The following ARHGAP44 variants were observed in gnomAD, a reference collection of about 807,000 sequenced individuals.
ARHGAP44 encodes the protein rho GTPase-activating protein 44.
Under a neutral mutation model 106.8 loss-of-function variants are expected in ARHGAP44, and 43 were observed. That is an observed-to-expected ratio of 0.40 (90% confidence interval 0.32 to 0.52). The LOEUF is 0.52. ARHGAP44 is among the 20% of genes least tolerant of loss of function. The probability of loss-of-function intolerance (pLI) is 0.48; values close to 1 mark genes in which losing one functional copy is unlikely to be tolerated. For missense variants in ARHGAP44, 866 were observed against 1,050.5 expected (o/e 0.82, Z 2.43); for synonymous variants, 439 against 410.3 (o/e 1.07, Z -0.85).
chr17:12,811,463 G>A (rs1347687194), intron 1 of ARHGAP44, among the ~76,000 whole-genome samples: 16 of 152,246 alleles, frequency 1.1e-4, no homozygotes, highest in South Asian at 2.1e-4. Context: ...CTGTCTCAAG[G>A]GTGGCAGAGG....
intron 18 of ARHGAP44, among the ~76,000 whole-genome samples, chr17:12,975,764 C>G (rs1372074566): frequency 6.9e-6 from 1 of 144,256 alleles, no homozygotes; most frequent in Admixed American, 7.2e-5. Flanking sequence ...CGCCACTGCA[C>G]TCCAGCCTGG....
intron 16 of ARHGAP44, among the ~76,000 whole-genome samples, chr17:12,963,200 C>G (rs2039307099): frequency 6.6e-6 from 1 of 152,208 alleles, no homozygotes; most frequent in Middle Eastern, 3.4e-3. Flanking sequence ...TTTGCTTGTC[C>G]TCCCAGGGAG....
intron 19 of ARHGAP44, among the ~76,000 whole-genome samples, chr17:12,981,482 C>T (rs2039828188): frequency 6.6e-6 from 1 of 151,866 alleles, no homozygotes; most frequent in Non-Finnish European, 1.5e-5. Flanking sequence ...ACTGCAACCT[C>T]CGCCTCCTGG....
chr17:12,906,805 G>A (rs1392962030), intron 3 of ARHGAP44, among the ~76,000 whole-genome samples: 7 of 151,926 alleles, frequency 4.6e-5, no homozygotes, highest in South Asian at 4.2e-4. Context: ...CCAGGCATGG[G>A]GGTGCATGCC....
In ARHGAP44 at chr17:12,973,964, G is replaced by GCC. The variant is rs1598146216; in HGVS notation, c.1542-121_1542-120dup. On this transcript the variant is annotated intron_variant, in intron 17 of 20. Transcript: ENST00000379672. ...CAGCCCCCAATGCATCGCTTCCCGG[G>GCC]CCCCCGGGGTGCTAAAGCTGCGCTG... 3 of 1,039,584 alleles carry GCC rather than the reference G, an allele frequency of 2.9e-6. No homozygotes were observed. The East Asian group carries it at 7.9e-5, about 27-fold the overall frequency. 64.4% of individuals were successfully genotyped at this position (1,039,584 alleles called of 1,614,324 possible). A position where few individuals can be genotyped will look rare whatever the true frequency, so the allele number is the denominator to read the frequency against.
At chr17:12,983,521 T>G (rs1443234838) in intron 19 of ARHGAP44, among the ~76,000 whole-genome samples, 1 of 152,112 alleles carries the variant, frequency 6.6e-6, no homozygotes, top group Non-Finnish European at 1.5e-5. Context: ...ATGCGGTTGA[T>G]TGGCCGGGCG....
chr17:12,947,122 A>G (rs907759222), intron 10 of ARHGAP44, among the ~76,000 whole-genome samples: 1 of 152,014 alleles, frequency 6.6e-6, no homozygotes, highest in Non-Finnish European at 1.5e-5. Context: ...ATGCTATCCA[A>G]TTTCTTAAAA....
At chr17:12,918,420 G>C (rs994269503) in intron 5 of ARHGAP44, among the ~76,000 whole-genome samples, 2 of 152,168 alleles carry the variant, frequency 1.3e-5, no homozygotes, top group East Asian at 3.9e-4. Context: ...GCCAATTTTC[G>C]TTTTGCATTC....
At chr17:12,914,784 G>GC (rs2037853531) in intron 4 of ARHGAP44, among the ~76,000 whole-genome samples, 1 of 115,680 alleles carries the variant, frequency 8.6e-6, no homozygotes, top group Non-Finnish European at 1.7e-5. Context: ...CAACAAGAGT[G>GC]AAACTCCATC....
chr17:12,937,242 A>G (rs535738795), intron 7 of ARHGAP44, among the ~76,000 whole-genome samples: 1 of 152,338 alleles, frequency 6.6e-6, no homozygotes, highest in East Asian at 1.9e-4. Context: ...AGGCTTGGGT[A>G]AAATAATTTC....
chr17:12,843,819 C>A (rs562740906), intron 1 of ARHGAP44, among the ~76,000 whole-genome samples: 107 of 151,992 alleles, frequency 7.0e-4, no homozygotes, highest in African/African-American at 2.5e-3. Context: ...CCATGCCTGG[C>A]TAATTTTTGT....
intron 1 of ARHGAP44, chr17:12,790,276 C>T: frequency 4.8e-6 from 1 of 208,020 alleles, no homozygotes. Flanking sequence ...CGCAGTCGGT[C>T]TCCGGAGATC....
At chr17:12,848,497 G>A (rs771581661) in intron 1 of ARHGAP44, among the ~76,000 whole-genome samples, 6 of 152,072 alleles carry the variant, frequency 3.9e-5, no homozygotes, top group Non-Finnish European at 7.3e-5. Flanking sequence ...ATCCTTTGAA[G>A]TATTCCTGCT....
intron 12 of ARHGAP44, among the ~76,000 whole-genome samples, chr17:12,950,020 A>G (rs1186150214): frequency 1.3e-5 from 2 of 152,234 alleles, no homozygotes; most frequent in East Asian, 3.9e-4. Context: ...GAACAATTAA[A>G]AAATAGGTAG....
intron 1 of ARHGAP44, among the ~76,000 whole-genome samples, chr17:12,822,530 A>G (rs563366687): frequency 1.3e-5 from 2 of 152,322 alleles, no homozygotes; most frequent in South Asian, 2.1e-4. Context: ...AAGTAAGGCC[A>G]TACTCTATTT....
chr17:12,967,499 C>G (rs1306925950), intron 16 of ARHGAP44, among the ~76,000 whole-genome samples: 1 of 152,056 alleles, frequency 6.6e-6, no homozygotes, highest in Non-Finnish European at 1.5e-5. Context: ...ACCCTGCCAT[C>G]ATGGAGTGCC....
intron 1 of ARHGAP44, among the ~76,000 whole-genome samples, chr17:12,837,841 G>T (rs2035282952): frequency 6.6e-6 from 1 of 152,102 alleles, no homozygotes. Flanking sequence ...ATTGTGCTAG[G>T]TGGGCCCTGC....
chr17:12,987,728 A>C (rs2039995538), intron 20 of ARHGAP44: 1 of 152,148 alleles, frequency 6.6e-6, no homozygotes, highest in Non-Finnish European at 1.5e-5. Context: ...CTGCTGGCAA[A>C]TCCTAAAGAA....
In ARHGAP44 at chr17:12,984,569, T is replaced by A; in HGVS notation, c.1978T>A (p.Phe660Ile). 5.8e-6 allele frequency: 9 copies of A among 1,554,970 alleles called. No individual in the cohort carries two copies. Among genetic ancestry groups the A allele is most frequent in the Non-Finnish European group, 7.8e-6 (9 of 1,151,754 alleles). Residue 660 changes from phenylalanine to isoleucine, a missense_variant, in exon 20 of 21, where the codon TTT becomes ATT. By Grantham distance (21) the Phe-to-Ile change is conservative. Around this residue, in one of 2 missense-constraint regions of ARHGAP44, gnomAD observed 418 missense variants for 403.6 expected, o/e 1.04. Transcript: ENST00000379672. ...KLAPIPPKVPFGQPGAMADQS... is the reference protein window; with the variant it reads ...KLAPIPPKVPIGQPGAMADQS... Reference sequence around the variant, plus strand: ...GGCACCGATTCCACCCAAGGTCCCCTTTGGCCAGCCGGGGGCTATGGCAGA... The same window carrying A: ...GGCACCGATTCCACCCAAGGTCCCCATTGGCCAGCCGGGGGCTATGGCAGA...
Sources: gnomAD v4.1 joint callset for allele counts (sites outside exome capture counted in the v4.1 genomes callset) on GRCh38, gnomAD v4.1.1 for gene constraint, gnomAD v4.1.1 regional missense constraint, MANE v1.5 for transcripts, NCBI Gene and HGNC (gene_info 2026-07-23, HGNC 2026-07-21) for gene names.